Variants in ABR observed in about 807,000 individuals in gnomAD.
ABR encodes the protein ABR activator of RhoGEF and GTPase, also known as active breakpoint cluster region-related protein.
ABR carries 35 observed loss-of-function variants against 107.2 expected under a neutral mutation model. The ratio of observed to expected loss-of-function variants is 0.33; its 90% CI spans 0.25 to 0.43. ABR has a LOEUF of 0.43. Ranked by LOEUF, ABR falls within the 20% of genes least tolerant of loss-of-function variation. The pLI, the probability that ABR is intolerant of heterozygous loss-of-function variation, is 1.00. For synonymous variants in ABR, 498 were observed against 462.0 expected (o/e 1.08, Z -1.00); for missense variants, 815 against 1,115.2 (o/e 0.73, Z 3.83).
At chr17:1,209,555 G>A (rs574691216) in intron 1 of ABR, among the ~76,000 whole-genome samples, 1 of 152,012 alleles carries the variant, frequency 6.6e-6, no homozygotes, top group African/African-American at 2.4e-5. Context: ...ACCATGCTCA[G>A]CCAAAGTTTG....
intron 1 of ABR, among the ~76,000 whole-genome samples, chr17:1,198,641 T>C (rs1180039080): frequency 6.6e-6 from 1 of 150,984 alleles, no homozygotes; most frequent in Non-Finnish European, 1.5e-5. Context: ...CTTGGTTTTT[T>C]GTTTTTGTTT....
At chr17:1,166,111 C>T (rs572643040) in intron 1 of ABR, among the ~76,000 whole-genome samples, 4 of 150,848 alleles carry the variant, frequency 2.7e-5, no homozygotes, top group Non-Finnish European at 5.9e-5. Context: ...CACCTCTGCT[C>T]TCCCAGAGCC....
At chr17:1,211,354 C>G (rs2042898268) in intron 1 of ABR, among the ~76,000 whole-genome samples, 1 of 152,166 alleles carries the variant, frequency 6.6e-6, no homozygotes, top group Non-Finnish European at 1.5e-5. Context: ...AGGTTTTGCT[C>G]TGACCCAGTG....
intron 1 of ABR, among the ~76,000 whole-genome samples, chr17:1,208,191 A>G (rs990221352): frequency 2.6e-5 from 4 of 152,188 alleles, no homozygotes; most frequent in African/African-American, 4.8e-5. Context: ...CTCGACCCCC[A>G]GATGAGTCCC....
At chr17:1,167,324 T>G (rs28600675) in intron 1 of ABR, among the ~76,000 whole-genome samples, 44,336 of 150,432 alleles carry the variant, frequency 0.29, 6,716 homozygotes, top group Non-Finnish European at 0.33. Flanking sequence ...CTAGAGCACT[T>G]CGTCTCTTCA....
At chr17:1,159,426 G>A (rs77476542) in intron 1 of ABR, among the ~76,000 whole-genome samples, 5,973 of 34,500 alleles carry the variant, frequency 0.17, 875 homozygotes, top group African/African-American at 0.32. Flanking sequence ...ACTCACACAC[G>A]GGAGAGGTAA....
At chr17:1,096,184 G>A (rs1207730678) in intron 3 of ABR, among the ~76,000 whole-genome samples, 1 of 152,220 alleles carries the variant, frequency 6.6e-6, no homozygotes, top group African/African-American at 2.4e-5. Flanking sequence ...GGCCCCAGAA[G>A]ATGACCCCCA....
intron 3 of ABR, among the ~76,000 whole-genome samples, chr17:1,096,889 A>C (rs1254272548): frequency 8.7e-6 from 1 of 114,994 alleles, no homozygotes; most frequent in African/African-American, 3.4e-5. Flanking sequence ...AGGAGGAGAC[A>C]GCTGGGGAAG....
At chr17:1,167,980 C>T (rs1190492216) in intron 1 of ABR, among the ~76,000 whole-genome samples, 1 of 151,740 alleles carries the variant, frequency 6.6e-6, no homozygotes. Flanking sequence ...GGTGAAACCC[C>T]GTCTCTACTA....
At chr17:1,144,955 G>A (rs1388160334) in intron 1 of ABR, among the ~76,000 whole-genome samples, 4 of 152,100 alleles carry the variant, frequency 2.6e-5, no homozygotes, top group Non-Finnish European at 5.9e-5. Flanking sequence ...GGAGGTGGAG[G>A]TTGCAGTAGG....
chr17:1,106,148 C>A (rs141593769), intron 2 of ABR, among the ~76,000 whole-genome samples: 5 of 152,044 alleles, frequency 3.3e-5, no homozygotes, highest in African/African-American at 1.2e-4. Flanking sequence ...GCAGCAAACT[C>A]CAGCTATAGC....
intron 2 of ABR, among the ~76,000 whole-genome samples, chr17:1,102,287 G>A (rs1017399641): frequency 6.6e-6 from 1 of 152,222 alleles, no homozygotes; most frequent in Admixed American, 6.5e-5. Context: ...CGTGGCCACA[G>A]AAGGGGAGTG....
rs565647698 is a variant in ABR, at chr17:1,142,716, C to T, written c.62-17349G>A. 2.6e-5 allele frequency among the ~76,000 whole-genome samples: 4 copies of T among 152,178 alleles called. No homozygotes were observed. The East Asian group carries it at 5.8e-4, about 22-fold the overall frequency. ...CCTCAGTCTTGGGGACTGTGGGATT[C>T]GCTGGGGAAGAGAAGACAAGACGGA... On this transcript the variant is annotated intron_variant, in intron 1 of 22. Transcript: ENST00000302538.
chr17:1,212,395 C>T (rs2042919497), intron 1 of ABR, among the ~76,000 whole-genome samples: 1 of 152,084 alleles, frequency 6.6e-6, no homozygotes, highest in South Asian at 2.1e-4. Flanking sequence ...CATGCCACTG[C>T]TCTCCAGCCT....
intron 1 of ABR, among the ~76,000 whole-genome samples, chr17:1,214,525 G>A (rs2042961573): frequency 6.6e-6 from 1 of 152,176 alleles, no homozygotes; most frequent in Admixed American, 6.5e-5. Context: ...ATCCTGGCCG[G>A]GTGCAGTGGC....
At chr17:1,137,594 A>G (rs1295802782) in intron 1 of ABR, among the ~76,000 whole-genome samples, 12 of 152,230 alleles carry the variant, frequency 7.9e-5, no homozygotes, top group Admixed American at 6.5e-4. Context: ...AGGATCGCTG[A>G]TCACAGATCA....
chr17:1,066,192 T>C (rs1441629325), intron 10 of ABR, among the ~76,000 whole-genome samples: 1 of 152,200 alleles, frequency 6.6e-6, no homozygotes, highest in Admixed American at 6.5e-5. Context: ...CCAATATTCT[T>C]GTTCACTTCT....
chr17:1,013,387 C>T (rs1166189202), intron 16 of ABR, among the ~76,000 whole-genome samples: 3 of 151,364 alleles, frequency 2.0e-5, no homozygotes, highest in Non-Finnish European at 4.4e-5. Flanking sequence ...TGTTACCCGC[C>T]GTGGGGGAGG....
At position 1,011,636 on chromosome 17, in the gene ABR, C is replaced by G; in HGVS notation, c.2101+210G>C. ...GGTCATCCTGGGCAAGTGAGTCGGC[C>G]CTTGTGAGTTTCTGCAGTTGCTTAC... On this transcript the variant is annotated intron_variant, in intron 19 of 22. Coordinates refer to ENST00000302538, the MANE Select transcript of ABR (RefSeq NM_021962.5). The surrounding 1 kb of genome is among the most constrained non-coding windows in gnomAD (Gnocchi z 4.8). 6.0e-6 allele frequency: 3 copies of G among 496,382 alleles called. No homozygotes were observed. Among genetic ancestry groups the G allele is most frequent in the Non-Finnish European group, 9.8e-6 (3 of 306,038 alleles). 30.7% of individuals were successfully genotyped at this position (496,382 alleles called of 1,614,324 possible). A position where few individuals can be genotyped will look rare whatever the true frequency, so the allele number is the denominator to read the frequency against.
Sources: allele counts gnomAD v4.1 joint callset (sites outside exome capture counted in the v4.1 genomes callset), GRCh38; gene constraint gnomAD v4.1.1; non-coding constraint Gnocchi (gnomAD v3.1); transcripts MANE v1.5; gene names NCBI Gene and HGNC (gene_info 2026-07-23, HGNC 2026-07-21).